RARB: variants seen among roughly 807,000 people sequenced by gnomAD.
RARB encodes HBV-activated protein.
In RARB, 17 loss-of-function variants were observed where a neutral mutation model predicts 51.9. The observed-to-expected ratio is 0.33, with a 90% CI of 0.22 to 0.49. The LOEUF (loss-of-function observed/expected upper bound fraction) is 0.49, where lower values mean the gene tolerates loss of function less well. Ranked by LOEUF, RARB falls within the 20% of genes least tolerant of loss-of-function variation. RARB has a pLI of 0.99. For missense variants in RARB, 369 were observed against 550.8 expected, an observed-to-expected ratio of 0.67 and a Z score of 3.30; for synonymous variants, 215 against 195.4, an observed-to-expected ratio of 1.10 and a Z score of -0.84.
At chr3:24,866,725 T>A (rs1425428309) in intron 2 of RARB, among the ~76,000 whole-genome samples, 2 of 152,170 alleles carry the variant, frequency 1.3e-5, no homozygotes, top group Non-Finnish European at 2.9e-5. Context: ...CAATGAGTTC[T>A]TCTTGCCCAC....
At chr3:25,251,210 T>C (rs1276707858) in intron 5 of RARB, among the ~76,000 whole-genome samples, 1 of 152,080 alleles carries the variant, frequency 6.6e-6, no homozygotes, top group Non-Finnish European at 1.5e-5. Flanking sequence ...TACTACTTCA[T>C]TCATTTTATT....
In RARB at chr3:25,378,534, A is replaced by C. The variant is rs147021557; in HGVS notation, c.179-82659A>C. On this transcript the variant is annotated intron_variant, in intron 5 of 11. Coordinates refer to the RARB transcript ENST00000383772. ...ACTTTGTAAAGGATAAATCGGCATCATCCAGAAGGCTAGAAGATTGAGAGA... is the reference window on the plus strand; with the variant it reads ...ACTTTGTAAAGGATAAATCGGCATCCTCCAGAAGGCTAGAAGATTGAGAGA... Among the ~76,000 whole-genome samples, 88 of 152,358 alleles carry C rather than the reference A, an allele frequency of 5.8e-4. No homozygotes were observed. The East Asian group carries it at 0.01, about 18-fold the overall frequency.
At chr3:25,404,843 C>T (rs1012379456) in intron 5 of RARB, among the ~76,000 whole-genome samples, 2 of 152,194 alleles carry the variant, frequency 1.3e-5, no homozygotes, top group Non-Finnish European at 2.9e-5. Flanking sequence ...ACTGAACCTC[C>T]AACCCAGTTG....
intron 5 of RARB, among the ~76,000 whole-genome samples, chr3:25,342,292 A>G (rs1260827933): frequency 1.3e-5 from 2 of 152,234 alleles, no homozygotes; most frequent in South Asian, 2.1e-4. Flanking sequence ...TTTTTAATTT[A>G]TAGACTTATT....
intron 2 of RARB, among the ~76,000 whole-genome samples, chr3:24,932,626 T>A (rs1481602102): frequency 1.3e-5 from 2 of 152,144 alleles, no homozygotes; most frequent in African/African-American, 4.8e-5. Context: ...GGTTAAGTGG[T>A]TCTGACTTAT....
rs139645020 is a variant in RARB at position 25,272,865 on chromosome 3, G to A, written c.178+98290G>A. Among the ~76,000 whole-genome samples the A allele has an allele frequency of 2.0e-3, 301 of 152,270 alleles. 2 individuals carry two copies. Among genetic ancestry groups the A allele is most frequent in the African/African-American group, 6.9e-3 (287 of 41,562 alleles). ...AACTTTGGATACATTCGTCCCACCT[G>A]AGCCTCAGTATCTTCCCCTGTTAAA... On this transcript the variant is annotated intron_variant, in intron 5 of 11. Coordinates refer to the RARB transcript ENST00000383772.
intron 2 of RARB, among the ~76,000 whole-genome samples, chr3:24,991,664 G>A (rs1236022075): frequency 2.0e-5 from 3 of 151,940 alleles, no homozygotes; most frequent in African/African-American, 7.2e-5. Flanking sequence ...TTAGGAAATT[G>A]CCTACCACTA....
exon 5 of RARB, chr3:25,174,194 C>A: frequency 1.5e-5 from 4 of 264,788 alleles, no homozygotes; most frequent in Admixed American, 4.3e-5. Flanking sequence ...CGAAAGCATC[C>A]TTCCTGTAAT....
intron 2 of RARB, among the ~76,000 whole-genome samples, chr3:24,960,323 G>C (rs1696110769): frequency 6.6e-6 from 1 of 152,060 alleles, no homozygotes. Context: ...CTTAAAGTAA[G>C]TTATGCAGCA....
intron 2 of RARB, among the ~76,000 whole-genome samples, chr3:25,017,098 A>G (rs1014200338): frequency 2.2e-4 from 33 of 152,148 alleles, no homozygotes; most frequent in Admixed American, 1.8e-3. Context: ...TGGCAGGGCC[A>G]TGTTGCAGAA....
intron 3 of RARB, among the ~76,000 whole-genome samples, chr3:25,106,628 A>G (rs934201725): frequency 3.5e-5 from 5 of 144,140 alleles, no homozygotes; most frequent in African/African-American, 1.3e-4. Flanking sequence ...TAACAGCTAA[A>G]TGAATCAATC....
At chr3:25,468,202 C>G (rs1695524649) in intron 2 of RARB, among the ~76,000 whole-genome samples, 1 of 152,104 alleles carries the variant, frequency 6.6e-6, no homozygotes, top group Non-Finnish European at 1.5e-5. Flanking sequence ...GAACCCAGTA[C>G]CATGTCAAAT....
At chr3:25,473,746 A>C (rs1037515238) in intron 2 of RARB, among the ~76,000 whole-genome samples, 4 of 152,034 alleles carry the variant, frequency 2.6e-5, no homozygotes, top group African/African-American at 9.7e-5. Context: ...AGTGTTTCTG[A>C]GGCAGCCCTT....
At chr3:25,115,973 A>G (rs1203825957) in intron 3 of RARB, among the ~76,000 whole-genome samples, 1 of 152,096 alleles carries the variant, frequency 6.6e-6, no homozygotes, top group African/African-American at 2.4e-5. Context: ...TATCATTAAG[A>G]AGAATCCTGA....
chr3:24,961,812 C>T (rs569481553), intron 2 of RARB, among the ~76,000 whole-genome samples: 1 of 152,114 alleles, frequency 6.6e-6, no homozygotes, highest in South Asian at 2.1e-4. Context: ...TTGAGAACAC[C>T]CTGTACATCT....
chr3:25,388,101 T>C (rs910206052), intron 5 of RARB, among the ~76,000 whole-genome samples: 1 of 152,194 alleles, frequency 6.6e-6, no homozygotes, highest in Non-Finnish European at 1.5e-5. Flanking sequence ...ATATGTTGAT[T>C]TTTGACAGTG....
intron 4 of RARB, among the ~76,000 whole-genome samples, chr3:25,571,977 C>G (rs533221560): frequency 7.9e-5 from 12 of 152,214 alleles, no homozygotes; most frequent in Admixed American, 7.9e-4. Context: ...ATAACCAATA[C>G]CTGAAAGTAT....
intron 5 of RARB, among the ~76,000 whole-genome samples, chr3:25,318,055 A>C (rs886441196): frequency 6.6e-6 from 1 of 152,234 alleles, no homozygotes; most frequent in Non-Finnish European, 1.5e-5. Flanking sequence ...TCAACTGAGC[A>C]TGAGTTCCTC....
chr3:25,473,965 C>T lies in RARB; in HGVS notation c.306+12624C>T, dbSNP rs868060864. 9.1e-5 allele frequency among the ~76,000 whole-genome samples: 13 copies of T among 143,108 alleles called. No individual in the cohort carries two copies. The Middle Eastern group carries it at 0.011, about 124-fold the overall frequency. The allele number at this position is 143,108 out of a possible 152,430, so 93.9% of individuals were successfully genotyped here. A position where few individuals can be genotyped will look rare whatever the true frequency, so the allele number is the denominator to read the frequency against. Reference sequence around the variant, plus strand: ...TCTTGGCTGCAACTCTGAACTGGAGCGTGTAAAATGTACTTCTCAGGTTCT... The same window carrying T: ...TCTTGGCTGCAACTCTGAACTGGAGTGTGTAAAATGTACTTCTCAGGTTCT... On this transcript the variant is annotated intron_variant, in intron 2 of 7. Coordinates refer to ENST00000330688, the MANE Select transcript of RARB (RefSeq NM_000965.5).
Sources: allele counts gnomAD v4.1 joint callset (sites outside exome capture counted in the v4.1 genomes callset), GRCh38; gene constraint gnomAD v4.1.1; transcripts MANE v1.5; gene names NCBI Gene and HGNC (gene_info 2026-07-23, HGNC 2026-07-21).